The following ARHGAP6 variants were observed in gnomAD, a reference collection of about 807,000 sequenced individuals.
ARHGAP6 encodes rho GTPase-activating protein 6.
Under a neutral mutation model 55.7 loss-of-function variants are expected in ARHGAP6, and 16 were observed. The observed-to-expected ratio is 0.29, with a 90% CI of 0.19 to 0.44. ARHGAP6 has a LOEUF of 0.44. Among genes scored for constraint, ARHGAP6 ranks in the 20% least tolerant of loss-of-function variants. The probability of loss-of-function intolerance (pLI) is 1.00; values close to 1 mark genes in which losing one functional copy is unlikely to be tolerated. For missense variants in ARHGAP6, 698 were observed against 808.9 expected (o/e 0.86, Z 1.66); for synonymous variants, 382 against 360.9 (o/e 1.06, Z -0.66).
At chrX:11,528,743 G>A (rs150874195) in intron 1 of ARHGAP6, among the ~76,000 whole-genome samples, 90 of 111,605 alleles carry the variant, frequency 8.1e-4, no homozygotes, top group Non-Finnish European at 1.3e-3. Context: ...TAATAGCTTT[G>A]CCCCTGGGTG....
At chrX:11,404,666 G>A (rs764267937) in intron 1 of ARHGAP6, among the ~76,000 whole-genome samples, 405 of 111,154 alleles carry the variant, frequency 3.6e-3, no homozygotes, top group Non-Finnish European at 5.9e-3. Flanking sequence ...TGTGGCCAAA[G>A]GATACTGCTT....
intron 1 of ARHGAP6, among the ~76,000 whole-genome samples, chrX:11,377,274 G>A (rs942502183): frequency 4.4e-5 from 5 of 112,383 alleles, no homozygotes; most frequent in Non-Finnish European, 9.4e-5. Flanking sequence ...ACACAGAAAC[G>A]TGATGCTAAA....
intron 1 of ARHGAP6, among the ~76,000 whole-genome samples, chrX:11,548,355 C>T (rs1418941744): frequency 9.0e-6 from 1 of 111,129 alleles, no homozygotes; most frequent in East Asian, 2.8e-4. Context: ...AGAACTAATT[C>T]CTCCTATCTA....
intron 1 of ARHGAP6, among the ~76,000 whole-genome samples, chrX:11,354,327 C>CTCTCTCTCTCTCTCTA (rs1343744315): frequency 6.2e-5 from 2 of 32,350 alleles, no homozygotes; most frequent in Non-Finnish European, 1.0e-4. Flanking sequence ...CTCTCTCTCT[C>CTCTCTCTCTCTCTCTA]TATATATATA....
intron 1 of ARHGAP6, among the ~76,000 whole-genome samples, chrX:11,519,092 C>T (rs912447804): frequency 1.0e-5 from 1 of 95,306 alleles, no homozygotes; most frequent in African/African-American, 4.1e-5. Flanking sequence ...CCGCAATAAA[C>T]ATACATGTGC....
intron 1 of ARHGAP6, among the ~76,000 whole-genome samples, chrX:11,503,816 A>G (rs958743056): frequency 1.8e-5 from 2 of 111,680 alleles, no homozygotes; most frequent in Admixed American, 1.9e-4. Flanking sequence ...GTTTTAGTAG[A>G]GAATTTAGAC....
chrX:11,409,862 G>A (rs1382709479), intron 1 of ARHGAP6, among the ~76,000 whole-genome samples: 1 of 112,191 alleles, frequency 8.9e-6, no homozygotes, highest in Non-Finnish European at 1.9e-5. Context: ...ACTCCCAGAT[G>A]CTCAAAAGAT....
intron 1 of ARHGAP6, among the ~76,000 whole-genome samples, chrX:11,428,046 C>A (rs1478418397): frequency 4.4e-5 from 5 of 112,659 alleles, no homozygotes; most frequent in Non-Finnish European, 7.5e-5. Flanking sequence ...ACCCGTGGGA[C>A]CCCGGCTGCT....
intron 1 of ARHGAP6, among the ~76,000 whole-genome samples, chrX:11,485,533 C>T (rs12010377): frequency 0.077 from 8,656 of 112,417 alleles, 351 homozygotes; most frequent in East Asian, 0.18. Flanking sequence ...TTAAAGTTCT[C>T]ATCTACTTTT....
chrX:11,572,111 C>T (rs987000437), intron 1 of ARHGAP6, among the ~76,000 whole-genome samples: 1 of 111,281 alleles, frequency 9.0e-6, no homozygotes, highest in Non-Finnish European at 1.9e-5. Flanking sequence ...AACTGATTGA[C>T]CTATTAGATG....
chrX:11,454,665 C>T (rs980815878), intron 1 of ARHGAP6, among the ~76,000 whole-genome samples: 4 of 111,796 alleles, frequency 3.6e-5, no homozygotes, highest in Non-Finnish European at 5.6e-5. Context: ...TCTAGCTCTG[C>T]CTCATGTGAG....
intron 1 of ARHGAP6, among the ~76,000 whole-genome samples, chrX:11,532,719 T>A (rs1301273606): frequency 1.8e-5 from 2 of 112,632 alleles, no homozygotes. Context: ...TTTATTGGAA[T>A]ACAGCCACAC....
chrX:11,417,565 G>A (rs2049769367), intron 1 of ARHGAP6, among the ~76,000 whole-genome samples: 1 of 111,608 alleles, frequency 9.0e-6, no homozygotes, highest in Non-Finnish European at 1.9e-5. Context: ...TCATGGTTTT[G>A]ATATTGTGTA....
intron 1 of ARHGAP6, among the ~76,000 whole-genome samples, chrX:11,553,010 A>T (rs1421998117): frequency 8.1e-5 from 9 of 111,123 alleles, no homozygotes; most frequent in Non-Finnish European, 1.5e-4. Context: ...ATGTGAGGTA[A>T]TGCATATGTT....
intron 8 of ARHGAP6, among the ~76,000 whole-genome samples, chrX:11,170,571 A>C: frequency 8.9e-6 from 1 of 111,824 alleles, no homozygotes. Context: ...TCTATGGAAC[A>C]GGGGATGGGG....
chrX:11,288,793 T>A (rs1367241909), intron 1 of ARHGAP6, among the ~76,000 whole-genome samples: 1 of 112,322 alleles, frequency 8.9e-6, no homozygotes, highest in African/African-American at 3.2e-5. Context: ...CTGAATGTAA[T>A]GTTTTCAAGG....
chrX:11,257,701 G>T (rs1016456104), intron 1 of ARHGAP6, among the ~76,000 whole-genome samples: 3 of 111,850 alleles, frequency 2.7e-5, no homozygotes, highest in African/African-American at 9.8e-5. Context: ...CACAGTCCTC[G>T]TCCTCAGAGT....
At chrX:11,591,242 G>T (rs954359279) in intron 1 of ARHGAP6, among the ~76,000 whole-genome samples, 1 of 109,071 alleles carries the variant, frequency 9.2e-6, no homozygotes, top group East Asian at 2.8e-4. Flanking sequence ...AAATTCCAGC[G>T]TAGCAGTCAA....
chrX:11,238,621 G>C (rs1454973258), intron 2 of ARHGAP6, among the ~76,000 whole-genome samples: 1 of 112,326 alleles, frequency 8.9e-6, no homozygotes, highest in Non-Finnish European at 1.9e-5. Context: ...CCAGCAAATG[G>C]AACCAGTGGA....
Sources: allele counts gnomAD v4.1 joint callset (sites outside exome capture counted in the v4.1 genomes callset), GRCh38; gene constraint gnomAD v4.1.1; transcripts MANE v1.5; gene names NCBI Gene and HGNC (gene_info 2026-07-23, HGNC 2026-07-21).